Variants in MAGI1 observed in about 807,000 individuals in gnomAD.
MAGI1 encodes membrane-associated guanylate kinase, WW and PDZ domain-containing protein 1.
MAGI1 carries 58 observed loss-of-function variants against 139.9 expected under a neutral mutation model. The ratio of observed to expected loss-of-function variants is 0.41; its 90% CI spans 0.34 to 0.52. The LOEUF is 0.52. Among genes scored for constraint, MAGI1 ranks in the 20% least tolerant of loss-of-function variants. The probability of loss-of-function intolerance (pLI) is 0.12; values close to 1 mark genes in which losing one functional copy is unlikely to be tolerated. For synonymous variants in MAGI1, 812 were observed against 737.9 expected, an observed-to-expected ratio of 1.10 and a Z score of -1.63; for missense variants, 1,874 against 1,901.6, an observed-to-expected ratio of 0.99 and a Z score of 0.27.
chr3:65,572,714 C>G (rs1200548445), intron 2 of MAGI1, among the ~76,000 whole-genome samples: 1 of 151,836 alleles, frequency 6.6e-6, no homozygotes, highest in Non-Finnish European at 1.5e-5. Context: ...CCTTATTATC[C>G]TTATAACAAT....
chr3:65,365,010 G>A (rs1941273871), intron 18 of MAGI1, 64 bp from the exon 19 acceptor site: 5 of 1,279,356 alleles, frequency 3.9e-6, no homozygotes, highest in African/African-American at 1.5e-5. Flanking sequence ...CAGCCAGGAG[G>A]TGTGCAGAAG....
chr3:65,955,738 C>T (rs78140086), intron 1 of MAGI1, among the ~76,000 whole-genome samples: 11,128 of 152,096 alleles, frequency 0.073, 484 homozygotes, highest in Middle Eastern at 0.11. Context: ...ATGGTTCTGG[C>T]TGAAGTATCA....
intron 5 of MAGI1, among the ~76,000 whole-genome samples, chr3:65,454,543 T>C (rs1262981410): frequency 6.9e-6 from 1 of 144,848 alleles, no homozygotes; most frequent in Non-Finnish European, 1.5e-5. Flanking sequence ...ATAATAATAA[T>C]AATAATAATA....
rs752831709 is a variant in MAGI1 at position 65,365,147 on chromosome 3, C to T, written c.3197-201G>A. 1.9e-5 allele frequency: 14 copies of T among 742,518 alleles called. No individual in the cohort carries two copies. The African/African-American group carries it at 2.2e-4, about 12-fold the overall frequency. The allele number at this position is 742,518 out of a possible 1,614,324, so 46.0% of individuals were successfully genotyped here. A position where few individuals can be genotyped will look rare whatever the true frequency, so the allele number is the denominator to read the frequency against. On this transcript the variant is annotated intron_variant, in intron 18 of 22. Coordinates refer to ENST00000402939, the MANE Select transcript of MAGI1 (RefSeq NM_001033057.2). The stretch of plus-strand genomic sequence containing the variant: ...TCTCTGATGTGGGTCATGTATGTCC[C>T]CATGACCCTCCTCCCAAACAGACAT...
At chr3:65,420,027 T>C (rs1199144480) in intron 12 of MAGI1, among the ~76,000 whole-genome samples, 1 of 152,136 alleles carries the variant, frequency 6.6e-6, no homozygotes, top group Non-Finnish European at 1.5e-5. Context: ...ACAGTCCAAG[T>C]TGCTAACACT....
chr3:65,593,552 A>C (rs1466606703), intron 2 of MAGI1, among the ~76,000 whole-genome samples: 1 of 152,218 alleles, frequency 6.6e-6, no homozygotes, highest in Non-Finnish European at 1.5e-5. Flanking sequence ...TGTATCATTA[A>C]ATACAAACAA....
At chr3:65,889,986 T>C (rs7617286) in intron 1 of MAGI1, among the ~76,000 whole-genome samples, 5,160 of 152,292 alleles carry the variant, frequency 0.034, 227 homozygotes, top group East Asian at 0.12. Flanking sequence ...TTTCAACAGA[T>C]TGTTATCTTA....
At chr3:65,567,406 A>G (rs927396653) in intron 2 of MAGI1, among the ~76,000 whole-genome samples, 3 of 152,194 alleles carry the variant, frequency 2.0e-5, no homozygotes, top group Non-Finnish European at 4.4e-5. Context: ...GCTGATGGAT[A>G]AAGACCAGAA....
intron 1 of MAGI1, among the ~76,000 whole-genome samples, chr3:65,702,707 T>G (rs9311951): frequency 0.31 from 46,759 of 151,926 alleles, 7,363 homozygotes; most frequent in African/African-American, 0.36. Flanking sequence ...TTAGGCCACC[T>G]GTATGTACTA....
chr3:65,880,527 A>T (rs1403110065), intron 1 of MAGI1, among the ~76,000 whole-genome samples: 1 of 152,226 alleles, frequency 6.6e-6, no homozygotes, highest in Non-Finnish European at 1.5e-5. Flanking sequence ...CAGGACAATT[A>T]TGAACAAGAA....
rs116783713 is a variant in MAGI1, at chr3:65,780,402, G to A, written c.314-158314C>T. ...AATTACCAACTTGGCCTAAATACTT[G>A]CAAAAGCACTGAAGAAGATTTAAAG... On this transcript the variant is annotated intron_variant, in intron 1 of 22. Coordinates refer to ENST00000402939, the MANE Select transcript of MAGI1 (RefSeq NM_001033057.2). 9.7e-3 allele frequency among the ~76,000 whole-genome samples: 1,470 copies of A among 152,268 alleles called. 30 individuals are homozygous for A. Among genetic ancestry groups the A allele is most frequent in the African/African-American group, 0.034 (1,399 of 41,542 alleles).
At chr3:65,624,872 TATA>T (rs1427356579) in intron 1 of MAGI1, among the ~76,000 whole-genome samples, 1 of 152,154 alleles carries the variant, frequency 6.6e-6, no homozygotes, top group African/African-American at 2.4e-5. Flanking sequence ...GAGATGCCAA[TATA>T]ATATTTTCTT....
At chr3:66,018,631 G>C (rs1395785485) in intron 1 of MAGI1, among the ~76,000 whole-genome samples, 1 of 152,168 alleles carries the variant, frequency 6.6e-6, no homozygotes, top group South Asian at 2.1e-4. Flanking sequence ...TTGTGGCTAG[G>C]TTCCAGGTGG....
chr3:65,516,979 C>T (rs570592080), intron 2 of MAGI1, among the ~76,000 whole-genome samples: 63 of 151,344 alleles, frequency 4.2e-4, no homozygotes, highest in African/African-American at 9.7e-4. Context: ...CCGCCCGCCT[C>T]GGCCTCCCAA....
chr3:65,833,893 CT>C, intron 1 of MAGI1, among the ~76,000 whole-genome samples: 2 of 152,170 alleles, frequency 1.3e-5, no homozygotes, highest in Non-Finnish European at 2.9e-5. Context: ...AGTTTATGAA[CT>C]TTCACAAGCT....
Position 65,929,475 on chromosome 3 carries a change from G to C in MAGI1, c.313+108521C>G, listed in dbSNP as rs1437293674. Among the ~76,000 whole-genome samples, 11 of 151,876 alleles carry C rather than the reference G, an allele frequency of 7.2e-5. No homozygotes were observed. In the South Asian group the frequency reaches 1.0e-3, roughly 14 times the overall value. On this transcript the variant is annotated intron_variant, in intron 1 of 22. Transcript: ENST00000402939. The stretch of plus-strand genomic sequence containing the variant: ...CCTGCCTCAGCCTCCCAAGTAGCTG[G>C]GACCCCCAACTACCATGCCCAGCTA...
At chr3:65,436,321 C>T (rs1947851004) in intron 10 of MAGI1, among the ~76,000 whole-genome samples, 1 of 151,796 alleles carries the variant, frequency 6.6e-6, no homozygotes, top group Non-Finnish European at 1.5e-5. Flanking sequence ...ACAAACATCC[C>T]CCAACTCTGT....
chr3:65,688,108 G>A (rs2088224195), intron 1 of MAGI1: 1 of 767,702 alleles, frequency 1.3e-6, no homozygotes, highest in East Asian at 3.3e-5. Context: ...GCACATAGGT[G>A]TTGCTTGCAG....
intron 13 of MAGI1, among the ~76,000 whole-genome samples, chr3:65,394,070 A>T (rs1944174490): frequency 6.6e-6 from 1 of 152,184 alleles, no homozygotes; most frequent in East Asian, 1.9e-4. Flanking sequence ...GCAGAGATTC[A>T]GCATGTCACG....
Sources: gnomAD v4.1 joint callset for allele counts (sites outside exome capture counted in the v4.1 genomes callset) on GRCh38, gnomAD v4.1.1 for gene constraint, MANE v1.5 for transcripts, NCBI Gene and HGNC (gene_info 2026-07-23, HGNC 2026-07-21) for gene names.